The following XPO7 variants were observed in gnomAD, a reference collection of about 807,000 sequenced individuals.
XPO7 encodes exportin 7.
In XPO7, 21 loss-of-function variants were observed where a neutral mutation model predicts 144.3. The ratio of observed to expected loss-of-function variants is 0.15; its 90% CI spans 0.10 to 0.21. The LOEUF (loss-of-function observed/expected upper bound fraction) is 0.21. XPO7 is among the 10% of genes least tolerant of loss of function. The pLI is 1.00. For synonymous variants in XPO7, 580 were observed against 499.6 expected (o/e 1.16, Z -2.15); for missense variants, 808 against 1,325.8 (o/e 0.61, Z 6.06).
At chr8:21,938,096 A>G (rs912553059) in intron 1 of XPO7, among the ~76,000 whole-genome samples, 4 of 152,208 alleles carry the variant, frequency 2.6e-5, no homozygotes, top group African/African-American at 9.6e-5. Context: ...ACAGATATTA[A>G]CAATAGTAAA....
chr8:21,990,212 C>A, intron 16 of XPO7, 132 bp from the exon 17 acceptor site: 1 of 803,896 alleles, frequency 1.2e-6, no homozygotes, highest in Non-Finnish European at 2.0e-6. Flanking sequence ...TCATATTTGG[C>A]AGTGGTATAC....
chr8:22,002,528 A>G (rs1031996342), intron 25 of XPO7, among the ~76,000 whole-genome samples: 5 of 152,218 alleles, frequency 3.3e-5, no homozygotes, highest in African/African-American at 7.2e-5. Context: ...CATGATCACT[A>G]TCCTCTTTCT....
chr8:21,966,195 T>C lies in XPO7; in HGVS notation c.19-662T>C. On this transcript the variant is annotated intron_variant, in intron 1 of 27. Coordinates refer to ENST00000252512, the MANE Select transcript of XPO7 (RefSeq NM_015024.5). ...CCCTTGTCTTATCTGTGAGTGAGCA[T>C]ATGCTAGGGTTGAATTTATTTTGAC... 4.2e-6 allele frequency: 3 copies of C among 720,988 alleles called. No homozygotes were observed. The South Asian group carries it at 4.5e-5, about 11-fold the overall frequency. The allele number at this position is 720,988 out of a possible 1,614,324, so 44.7% of individuals were successfully genotyped here.
intron 5 of XPO7, among the ~76,000 whole-genome samples, chr8:21,973,302 T>C (rs1409216852): frequency 6.6e-6 from 1 of 152,224 alleles, no homozygotes. Flanking sequence ...TTTTGATATA[T>C]GTATAATAAA....
chr8:21,997,129 A>G (rs1311974048), intron 21 of XPO7, among the ~76,000 whole-genome samples: 2 of 152,182 alleles, frequency 1.3e-5, no homozygotes, highest in African/African-American at 2.4e-5. Flanking sequence ...TTTTAAAACA[A>G]CCTTATGGAG....
intron 19 of XPO7, among the ~76,000 whole-genome samples, chr8:21,992,638 C>T (rs1812809046): frequency 6.6e-6 from 1 of 152,094 alleles, no homozygotes. Context: ...AAGCCTTGAA[C>T]TCCTGGCTCA....
chr8:21,945,914 T>G (rs937491296), intron 1 of XPO7, among the ~76,000 whole-genome samples: 2 of 152,136 alleles, frequency 1.3e-5, no homozygotes, highest in African/African-American at 4.8e-5. Context: ...AAGTCAAAAT[T>G]GCTGTAGGGT....
chr8:21,989,810 A>ATAG (rs995567836), intron 16 of XPO7, among the ~76,000 whole-genome samples: 4 of 70,434 alleles, frequency 5.7e-5, no homozygotes, highest in Admixed American at 1.8e-4. Context: ...GGAGTTTGGT[A>ATAG]TAGGTGTTTC....
At chr8:21,944,632 A>T (rs1018314265) in intron 1 of XPO7, among the ~76,000 whole-genome samples, 7 of 152,150 alleles carry the variant, frequency 4.6e-5, no homozygotes, top group Admixed American at 2.6e-4. Flanking sequence ...GTATTTATTG[A>T]TCATTCTTGG....
chr8:22,006,397 A>G lies in XPO7; in HGVS notation c.*1309A>G, dbSNP rs1292783545. 4.6e-5 allele frequency: 7 copies of G among 152,094 alleles called. No individual in the cohort carries two copies. The highest frequency in any genetic ancestry group is 7.2e-5 in the African/African-American group (3 of 41,396). The allele number at this position is 152,094 out of a possible 1,614,324, so 9.4% of individuals were successfully genotyped here. ...GCTCTTGCCCACGGGACACTCATCA[A>G]TTAGGTTTTATTTTTATTTCTTTCC... On this transcript the variant is annotated 3_prime_UTR_variant, in exon 28 of 28. Transcript: ENST00000252512.
intron 21 of XPO7, among the ~76,000 whole-genome samples, chr8:21,997,086 G>C (rs1191531523): frequency 6.6e-6 from 1 of 152,186 alleles, no homozygotes; most frequent in Non-Finnish European, 1.5e-5. Flanking sequence ...GGGATTGCAG[G>C]CGTGAGCCAC....
rs779392458 is a variant in XPO7 at position 22,003,905 on chromosome 8, T to C, written c.3045T>C (p.Tyr1015=). 1 of 1,613,816 alleles carries C rather than the reference T, an allele frequency of 6.2e-7. No homozygotes were observed. Among genetic ancestry groups the C allele is most frequent in the Non-Finnish European group, 8.5e-7 (1 of 1,179,788 alleles). ...LLGLILLNEK[Y]FSDLRNSIVN... is the part of the protein sequence containing the mutation. The stretch of plus-strand genomic sequence containing the variant: ...CTGTTCCACTCCTTGCCCCACAGTA[T>C]TTTTCTGACCTAAGAAACAGTATTG... The change falls in exon 27 of 28, where the codon TAT becomes TAC. Residue 1015 remains tyrosine, a splice_region_variant and synonymous_variant. Coordinates refer to ENST00000252512, the MANE Select transcript of XPO7 (RefSeq NM_015024.5).
chr8:21,946,965 A>G (rs1346191280), intron 1 of XPO7, among the ~76,000 whole-genome samples: 1 of 152,236 alleles, frequency 6.6e-6, no homozygotes, highest in Non-Finnish European at 1.5e-5. Context: ...GAATGAGGGC[A>G]CTAAAAGTCA....
chr8:21,972,339 C>T (rs545693016), intron 5 of XPO7, among the ~76,000 whole-genome samples: 6 of 152,214 alleles, frequency 3.9e-5, no homozygotes, highest in African/African-American at 1.4e-4. Context: ...ATTAGCCGGG[C>T]GTGGTGGCAT....
intron 6 of XPO7, among the ~76,000 whole-genome samples, chr8:21,976,119 G>A (rs1170939288): frequency 1.3e-5 from 2 of 152,118 alleles, no homozygotes. Flanking sequence ...TTAAAACAGG[G>A]CTTTCTTTAA....
chr8:21,947,925 T>C (rs1180165536), intron 1 of XPO7, among the ~76,000 whole-genome samples: 1 of 152,102 alleles, frequency 6.6e-6, no homozygotes, highest in Non-Finnish European at 1.5e-5. Flanking sequence ...CTGATAGAAC[T>C]ATAGGATAAA....
intron 18 of XPO7, among the ~76,000 whole-genome samples, chr8:21,991,493 C>T (rs1418171122): frequency 1.3e-5 from 2 of 152,100 alleles, no homozygotes; most frequent in Admixed American, 1.3e-4. Flanking sequence ...TGAATGAAAC[C>T]TCCGTACCCA....
chr8:21,951,907 T>C (rs550331091), intron 1 of XPO7, among the ~76,000 whole-genome samples: 2 of 152,338 alleles, frequency 1.3e-5, no homozygotes, highest in South Asian at 2.1e-4. Flanking sequence ...CTAGAAGTGA[T>C]GAAGAGACAC....
Position 21,991,896 on chromosome 8 carries a change from C to A in XPO7, c.2070C>A (p.Phe690Leu). Residue 690 changes from phenylalanine (F) to leucine (L), a missense_variant, in exon 19 of 28, where the codon TTC (phenylalanine) becomes TTA (leucine). By Grantham distance (22) the Phe-to-Leu change is conservative. Transcript: ENST00000252512. ...AGGATGAAGATCAGTATGAGCAGTT[C>A]ATGCTGCCACTCACAGCAGCATTTG... Reference protein sequence around the residue: ...LGEDEDQYEQFMLPLTAAFEA... With the variant: ...LGEDEDQYEQLMLPLTAAFEA... The A allele has an allele frequency of 6.2e-7, 1 of 1,613,110 alleles. No individual in the cohort carries two copies. The highest frequency in any genetic ancestry group is 1.1e-5 in the South Asian group (1 of 90,864).
Sources: gnomAD v4.1 joint callset for allele counts (sites outside exome capture counted in the v4.1 genomes callset) on GRCh38, gnomAD v4.1.1 for gene constraint, MANE v1.5 for transcripts, NCBI Gene and HGNC (gene_info 2026-07-23, HGNC 2026-07-21) for gene names.